PARM1: variants seen among roughly 807,000 people sequenced by gnomAD.
PARM1 encodes the protein WSC4, cell wall integrity and stress response component 4 homolog.
A neutral mutation model predicts 24.6 loss-of-function variants in PARM1; 14 were observed. The observed-to-expected ratio is 0.57, with a 90% confidence interval of 0.38 to 0.89. PARM1 has a LOEUF of 0.89. Among genes scored for constraint, PARM1 ranks in the 40% least tolerant of loss-of-function variants. The pLI, the probability that PARM1 is intolerant of heterozygous loss-of-function variation, is 0.00. For missense variants in PARM1, 362 were observed against 380.4 expected, an observed-to-expected ratio of 0.95 and a Z score of 0.40; for synonymous variants, 179 against 156.6, an observed-to-expected ratio of 1.14 and a Z score of -1.07.
chr4:74,938,617 G>A (rs17249034), intron 1 of PARM1, among the ~76,000 whole-genome samples: 5 of 152,004 alleles, frequency 3.3e-5, no homozygotes, highest in Non-Finnish European at 7.4e-5. Context: ...CTGCAAGCCG[G>A]GCAACTATTC....
chr4:74,954,879 G>A (rs2109986226), intron 1 of PARM1, among the ~76,000 whole-genome samples: 1 of 152,180 alleles, frequency 6.6e-6, no homozygotes, highest in East Asian at 1.9e-4. Flanking sequence ...TTTTTGATGA[G>A]GAATTTGACA....
chr4:74,933,220 C>T lies in PARM1; in HGVS notation c.-108C>T. On this transcript the variant is annotated 5_prime_UTR_variant, in exon 1 of 4. Coordinates refer to ENST00000307428, the MANE Select transcript of PARM1 (RefSeq NM_015393.4). ...GGAGCTGTTCGCGCCTCCCGGCTCCCACCGCAGCCCACCCGGCAGAGGAGT... is the reference window on the plus strand; with the variant it reads ...GGAGCTGTTCGCGCCTCCCGGCTCCTACCGCAGCCCACCCGGCAGAGGAGT... 2.1e-6 allele frequency: 2 copies of T among 944,434 alleles called. No homozygotes were observed. Among genetic ancestry groups the T allele is most frequent in the Non-Finnish European group, 3.3e-6 (2 of 602,930 alleles). The allele number at this position is 944,434 out of a possible 1,614,324, so 58.5% of individuals were successfully genotyped here.
intron 2 of PARM1, among the ~76,000 whole-genome samples, chr4:75,018,322 G>T (rs1723026670): frequency 6.6e-6 from 1 of 152,160 alleles, no homozygotes; most frequent in South Asian, 2.1e-4. Flanking sequence ...TAAGACAATT[G>T]GTTTACTTTC....
At position 74,942,836 on chromosome 4, in the gene PARM1, G is replaced by A. The variant is rs72860912; in HGVS notation, c.43+9466G>A. ...CAGCGAATTCATTGGAACTATATCAGTCACTGCTCTGTTCAGAGCCCTGTA... is the reference window on the plus strand; with the variant it reads ...CAGCGAATTCATTGGAACTATATCAATCACTGCTCTGTTCAGAGCCCTGTA... On this transcript the variant is annotated intron_variant, in intron 1 of 3. Coordinates refer to ENST00000307428, the MANE Select transcript of PARM1 (RefSeq NM_015393.4). 8.6e-3 allele frequency among the ~76,000 whole-genome samples: 1,306 copies of A among 152,244 alleles called. 18 individuals carry two copies. Among genetic ancestry groups the A allele is most frequent in the African/African-American group, 0.03 (1,243 of 41,528 alleles).
At chr4:75,015,314 C>A (rs1176215482) in intron 2 of PARM1, among the ~76,000 whole-genome samples, 3 of 152,120 alleles carry the variant, frequency 2.0e-5, no homozygotes, top group Non-Finnish European at 4.4e-5. Flanking sequence ...GGTCAAGAGG[C>A]CCCAAATTGG....
intron 1 of PARM1, among the ~76,000 whole-genome samples, chr4:74,979,551 A>G (rs918802792): frequency 3.9e-5 from 6 of 152,172 alleles, no homozygotes; most frequent in African/African-American, 1.4e-4. Flanking sequence ...GGCTAGTACC[A>G]TTTCTACTGA....
chr4:75,046,450 G>T lies in PARM1; in HGVS notation c.*203G>T. On this transcript the variant is annotated 3_prime_UTR_variant, in exon 4 of 4. Coordinates refer to ENST00000307428, the MANE Select transcript of PARM1 (RefSeq NM_015393.4). Reference sequence around the variant, plus strand: ...AAGAAGAACCATTCTTTAAAGGTGAGTGGAGGCTGATTTGCAGCTGAAGTG... The same window carrying T: ...AAGAAGAACCATTCTTTAAAGGTGATTGGAGGCTGATTTGCAGCTGAAGTG... The T allele has an allele frequency of 2.1e-6, 1 of 472,984 alleles. No homozygotes were observed. The highest frequency in any genetic ancestry group is 3.9e-6 in the Non-Finnish European group (1 of 259,602). 29.3% of individuals were successfully genotyped at this position (472,984 alleles called of 1,614,324 possible).
chr4:74,953,897 G>A (rs949068679), intron 1 of PARM1, among the ~76,000 whole-genome samples: 2 of 152,180 alleles, frequency 1.3e-5, no homozygotes, highest in African/African-American at 4.8e-5. Flanking sequence ...CACGCCTGGT[G>A]AAGTGGCCTA....
At chr4:74,943,461 T>C (rs1721352333) in intron 1 of PARM1, among the ~76,000 whole-genome samples, 1 of 152,042 alleles carries the variant, frequency 6.6e-6, no homozygotes, top group Admixed American at 6.5e-5. Context: ...ACTTGCTTAC[T>C]ATCAGGTGCT....
intron 1 of PARM1, among the ~76,000 whole-genome samples, chr4:74,961,492 C>A (rs550269281): frequency 3.8e-4 from 58 of 152,168 alleles, no homozygotes; most frequent in African/African-American, 1.4e-3. Context: ...CTCAAAGAGA[C>A]CCACACCAAA....
chr4:74,954,426 T>G (rs1721592648), intron 1 of PARM1, among the ~76,000 whole-genome samples: 1 of 152,242 alleles, frequency 6.6e-6, no homozygotes, highest in Non-Finnish European at 1.5e-5. Flanking sequence ...TTTGAAAGTG[T>G]GCCTATGTTC....
chr4:75,044,270 G>C (rs764071907), intron 3 of PARM1, among the ~76,000 whole-genome samples: 36 of 152,246 alleles, frequency 2.4e-4, no homozygotes, highest in Non-Finnish European at 4.4e-4. Flanking sequence ...CCAGTAGCAA[G>C]GTATAATAAT....
In PARM1 at chr4:75,015,182, C is replaced by T. The variant is rs556106649; in HGVS notation, c.769+2032C>T. On this transcript the variant is annotated intron_variant, in intron 2 of 3. Transcript: ENST00000307428. ...GCATACATGAATCTCTAAACTGACA[C>T]ATCTACTCCTTCCTACAAGTACCTT... Among the ~76,000 whole-genome samples the T allele has an allele frequency of 1.7e-4, 26 of 152,306 alleles. No homozygotes were observed. In the Middle Eastern group the frequency reaches 0.01, roughly 60 times the overall value.
intron 1 of PARM1, among the ~76,000 whole-genome samples, chr4:74,940,265 T>C (rs1209425429): frequency 6.6e-6 from 1 of 152,242 alleles, no homozygotes; most frequent in East Asian, 1.9e-4. Flanking sequence ...TAGTTATTGG[T>C]CCTCTATCCT....
intron 1 of PARM1, among the ~76,000 whole-genome samples, chr4:74,960,351 T>C (rs1721742853): frequency 3.3e-5 from 5 of 152,178 alleles, no homozygotes. Context: ...GAGACAGACA[T>C]TTAAAGTCTA....
rs944111465 is a variant in PARM1 at position 74,980,866 on chromosome 4, G to A, written c.44-31559G>A. On this transcript the variant is annotated intron_variant, in intron 1 of 3. Coordinates refer to ENST00000307428, the MANE Select transcript of PARM1 (RefSeq NM_015393.4). ...AACAAACCTGACAAAAACAAGCAATGGGGGAAAAGATTCCCTATTTAATAA... is the reference window on the plus strand; with the variant it reads ...AACAAACCTGACAAAAACAAGCAATAGGGGAAAAGATTCCCTATTTAATAA... 5.3e-5 allele frequency among the ~76,000 whole-genome samples: 8 copies of A among 152,174 alleles called. No individual in the cohort carries two copies. The South Asian group carries it at 1.7e-3, about 32-fold the overall frequency.
intron 1 of PARM1, among the ~76,000 whole-genome samples, chr4:74,992,967 A>T (rs1722508796): frequency 6.6e-6 from 1 of 152,166 alleles, no homozygotes; most frequent in African/African-American, 2.4e-5. Flanking sequence ...ACATATATAC[A>T]AATAAAACAA....
chr4:74,966,321 G>A (rs553442889), intron 1 of PARM1, among the ~76,000 whole-genome samples: 4 of 152,252 alleles, frequency 2.6e-5, no homozygotes, highest in East Asian at 1.9e-4. Flanking sequence ...AGGGGAGAGC[G>A]ATCAGGCTCA....
intron 3 of PARM1, among the ~76,000 whole-genome samples, chr4:75,040,738 C>A (rs1456502848): frequency 6.6e-6 from 1 of 152,204 alleles, no homozygotes; most frequent in East Asian, 1.9e-4. Context: ...TGCAGCTTTT[C>A]TCTAAATCTA....
Sources: gnomAD v4.1 joint callset for allele counts (sites outside exome capture counted in the v4.1 genomes callset) on GRCh38, gnomAD v4.1.1 for gene constraint, MANE v1.5 for transcripts, NCBI Gene and HGNC (gene_info 2026-07-23, HGNC 2026-07-21) for gene names.